KCNMA1: variants seen among roughly 807,000 people sequenced by gnomAD.
KCNMA1 encodes Calcium-activated potassium channel subunit alpha-1.
In KCNMA1, 29 loss-of-function variants were observed where a neutral mutation model predicts 140.0. The ratio of observed to expected loss-of-function variants is 0.21; its 90% CI spans 0.15 to 0.28. The LOEUF is 0.28. Among genes scored for constraint, KCNMA1 ranks in the 10% least tolerant of loss-of-function variants. The pLI is 1.00. For missense variants in KCNMA1, 880 were observed against 1,602.2 expected, an observed-to-expected ratio of 0.55 and a Z score of 7.70; for synonymous variants, 612 against 611.9, an observed-to-expected ratio of 1.00 and a Z score of 0.00.
chr10:77,133,548 CATT>C (rs2097909785), intron 5 of KCNMA1, among the ~76,000 whole-genome samples: 2 of 151,044 alleles, frequency 1.3e-5, no homozygotes, highest in Admixed American at 6.6e-5. Flanking sequence ...TATATATAAA[CATT>C]ATATTAAAAA....
chr10:77,257,851 A>G lies in KCNMA1; in HGVS notation c.541-6595T>C, dbSNP rs552079790. Among the ~76,000 whole-genome samples, 22 of 152,310 alleles carry G rather than the reference A, an allele frequency of 1.4e-4. No individual in the cohort carries two copies. In the South Asian group the frequency reaches 4.3e-3, roughly 30 times the overall value. On this transcript the variant is annotated intron_variant, in intron 2 of 27. Coordinates refer to ENST00000286628, the MANE Select transcript of KCNMA1 (RefSeq NM_001161352.2). The stretch of plus-strand genomic sequence containing the variant: ...GACTTGCTCCTCCTTGCCTTCCGCC[A>G]TGATTGTTAGGCCTCCCCAGCCACG...
intron 19 of KCNMA1, among the ~76,000 whole-genome samples, chr10:76,978,904 T>G (rs2078527938): frequency 6.6e-6 from 1 of 152,234 alleles, no homozygotes; most frequent in Non-Finnish European, 1.5e-5. Context: ...AATTATGACA[T>G]TCTGTTCATC....
At chr10:77,272,789 T>C (rs1363978180) in intron 2 of KCNMA1, among the ~76,000 whole-genome samples, 1 of 152,214 alleles carries the variant, frequency 6.6e-6, no homozygotes, top group Non-Finnish European at 1.5e-5. Context: ...TCTTTAATTA[T>C]ATGGCAGTGT....
At chr10:76,968,464 T>C (rs774376611) in intron 20 of KCNMA1, among the ~76,000 whole-genome samples, 40 of 152,324 alleles carry the variant, frequency 2.6e-4, no homozygotes, top group Middle Eastern at 3.4e-3. Context: ...TCCAAAGGTT[T>C]CAGATTTTTC....
At chr10:77,111,564 T>C (rs1249971126) in intron 7 of KCNMA1, among the ~76,000 whole-genome samples, 2 of 152,210 alleles carry the variant, frequency 1.3e-5, no homozygotes, top group East Asian at 3.9e-4. Flanking sequence ...GGCAGGAGAC[T>C]CTAGATCTGG....
chr10:77,517,317 C>A (rs1436798995), intron 1 of KCNMA1, among the ~76,000 whole-genome samples: 2 of 152,170 alleles, frequency 1.3e-5, no homozygotes, highest in African/African-American at 4.8e-5. Flanking sequence ...GGCAAAACCA[C>A]CCCTGGAAAA....
At chr10:77,121,575 A>G (rs78985165) in intron 5 of KCNMA1, among the ~76,000 whole-genome samples, 1 of 139,452 alleles carries the variant, frequency 7.2e-6, no homozygotes, top group Non-Finnish European at 1.6e-5. Flanking sequence ...TCCTCCCAAT[A>G]AAAAAAAAAA....
downstream of KCNMA1, chr10:76,875,427 A>T (rs1323788346): frequency 1.3e-5 from 2 of 152,130 alleles, no homozygotes; most frequent in Non-Finnish European, 2.9e-5. Context: ...TTTTAAAAAA[A>T]GTTTAGATTA....
intron 3 of KCNMA1, among the ~76,000 whole-genome samples, chr10:77,198,568 G>GAGATATATAT (rs1554968719): frequency 2.2e-5 from 3 of 138,428 alleles, no homozygotes; most frequent in Non-Finnish European, 4.6e-5. Flanking sequence ...ATATATATGT[G>GAGATATATAT]ATATATATAT....
chr10:77,226,667 T>TG (rs1180661596), intron 3 of KCNMA1, among the ~76,000 whole-genome samples: 4 of 152,298 alleles, frequency 2.6e-5, no homozygotes, highest in African/African-American at 9.6e-5. Context: ...AACTGACAAC[T>TG]GGCACTAAGT....
At chr10:77,086,039 T>G (rs1159307077) in intron 11 of KCNMA1, among the ~76,000 whole-genome samples, 2 of 152,204 alleles carry the variant, frequency 1.3e-5, no homozygotes, top group Non-Finnish European at 2.9e-5. Flanking sequence ...CTCAAATGTT[T>G]TATCGCTTAG....
At chr10:77,579,272 G>A (rs1420849762) in intron 1 of KCNMA1, among the ~76,000 whole-genome samples, 2 of 152,212 alleles carry the variant, frequency 1.3e-5, no homozygotes, top group Non-Finnish European at 2.9e-5. Context: ...AAGCAGGAGG[G>A]ATCAGGGAGG....
At chr10:77,297,122 G>A (rs1369447412) in intron 2 of KCNMA1, among the ~76,000 whole-genome samples, 1 of 152,118 alleles carries the variant, frequency 6.6e-6, no homozygotes, top group Non-Finnish European at 1.5e-5. Flanking sequence ...CTGTGAAGAA[G>A]GCTGAGACAC....
chr10:77,591,417 G>A (rs2079111605), intron 1 of KCNMA1, among the ~76,000 whole-genome samples: 2 of 152,142 alleles, frequency 1.3e-5, no homozygotes, highest in Admixed American at 6.5e-5. Flanking sequence ...GCAGTAAATT[G>A]TGTGTTCTCT....
At chr10:77,554,244 G>C (rs1305943627) in intron 1 of KCNMA1, among the ~76,000 whole-genome samples, 1 of 152,194 alleles carries the variant, frequency 6.6e-6, no homozygotes, top group African/African-American at 2.4e-5. Context: ...GCTCTCTGAG[G>C]ACAGTCTGTG....
chr10:77,561,712 C>T (rs976516277), intron 1 of KCNMA1, among the ~76,000 whole-genome samples: 14 of 152,166 alleles, frequency 9.2e-5, no homozygotes, highest in Non-Finnish European at 1.9e-4. Flanking sequence ...CTGGAGACCT[C>T]CTGCTATGCT....
chr10:77,155,395 A>G (rs756995126), intron 5 of KCNMA1, among the ~76,000 whole-genome samples: 10 of 152,182 alleles, frequency 6.6e-5, no homozygotes, highest in Non-Finnish European at 4.4e-5. Flanking sequence ...TGCGGTGGCC[A>G]TGGTTGTCCC....
At chr10:76,935,814 C>T (rs1237015747) in intron 23 of KCNMA1, among the ~76,000 whole-genome samples, 1 of 152,116 alleles carries the variant, frequency 6.6e-6, no homozygotes, top group East Asian at 1.9e-4. Context: ...TGAGTGGGGA[C>T]ATGAATCTGC....
chr10:77,356,352 T>C (rs1281004935), intron 2 of KCNMA1, among the ~76,000 whole-genome samples: 1 of 152,238 alleles, frequency 6.6e-6, no homozygotes, highest in Non-Finnish European at 1.5e-5. Flanking sequence ...TAAAATTAAA[T>C]TGATACATAA....
Sources: gnomAD v4.1 joint callset for allele counts (sites outside exome capture counted in the v4.1 genomes callset) on GRCh38, gnomAD v4.1.1 for gene constraint, MANE v1.5 for transcripts, NCBI Gene and HGNC (gene_info 2026-07-23, HGNC 2026-07-21) for gene names.